The following ARHGAP44 variants were observed in gnomAD, a reference collection of about 807,000 sequenced individuals.
ARHGAP44 encodes Rho GTPase activating protein 44.
In ARHGAP44, 43 loss-of-function variants were observed where a neutral mutation model predicts 106.8. That is an observed-to-expected ratio of 0.40 (90% CI 0.32 to 0.52). The LOEUF (loss-of-function observed/expected upper bound fraction) is 0.52, where lower values mean the gene tolerates loss of function less well. Ranked by LOEUF, ARHGAP44 falls within the 20% of genes least tolerant of loss-of-function variation. The probability of loss-of-function intolerance (pLI) is 0.48; values close to 1 mark genes in which losing one functional copy is unlikely to be tolerated. For missense variants in ARHGAP44, 866 were observed against 1,050.5 expected (o/e 0.82, Z 2.43); for synonymous variants, 439 against 410.3 (o/e 1.07, Z -0.85).
rs77855568 is a variant in ARHGAP44, at chr17:12,816,415, G to A, written c.53+26524G>A. ...ACTTAAATTAATTTGAGTGGAATAT[G>A]ATGAGGAATTATATTAGGGTAGGGA... On this transcript the variant is annotated intron_variant, in intron 1 of 20. Coordinates refer to ENST00000379672, the MANE Select transcript of ARHGAP44 (RefSeq NM_014859.6). 4.8e-3 allele frequency among the ~76,000 whole-genome samples: 738 copies of A among 152,246 alleles called. 26 individuals carry two copies. In the East Asian group the frequency reaches 0.068, roughly 14 times the overall value.
intron 5 of ARHGAP44, among the ~76,000 whole-genome samples, chr17:12,919,142 C>A (rs549954847): frequency 6.6e-6 from 1 of 152,134 alleles, no homozygotes; most frequent in African/African-American, 2.4e-5. Context: ...AGCGTACTCA[C>A]CATCAAAAAA....
intron 1 of ARHGAP44, among the ~76,000 whole-genome samples, chr17:12,871,303 T>C (rs145811587): frequency 1.1e-3 from 172 of 152,266 alleles, no homozygotes; most frequent in Non-Finnish European, 4.0e-4. Flanking sequence ...TGGTCTCTCA[T>C]GAATGGTTTC....
intron 1 of ARHGAP44, among the ~76,000 whole-genome samples, chr17:12,865,705 C>T (rs1048108082): frequency 9.4e-5 from 14 of 149,628 alleles, no homozygotes; most frequent in Admixed American, 1.4e-4. Context: ...AGGAGAATGG[C>T]GTGAACCTGG....
chr17:12,915,650 T>G (rs1375412388), intron 4 of ARHGAP44, among the ~76,000 whole-genome samples: 1 of 152,220 alleles, frequency 6.6e-6, no homozygotes, highest in Non-Finnish European at 1.5e-5. Flanking sequence ...GTCTGTTTTC[T>G]CTCTCATGTT....
intron 16 of ARHGAP44, among the ~76,000 whole-genome samples, chr17:12,960,520 C>T (rs946259767): frequency 2.6e-5 from 4 of 151,864 alleles, no homozygotes; most frequent in East Asian, 2.0e-4. Flanking sequence ...GAGCTGAGAT[C>T]GTGCCATTGC....
intron 7 of ARHGAP44, among the ~76,000 whole-genome samples, chr17:12,932,512 A>C (rs192699282): frequency 6.6e-6 from 1 of 152,308 alleles, no homozygotes. Context: ...CTGCCATTAA[A>C]AATTTAATAA....
At chr17:12,973,391 GT>G in intron 17 of ARHGAP44, 72 bp downstream of exon 17, 2 of 1,512,834 alleles carry the variant, frequency 1.3e-6, no homozygotes, top group Non-Finnish European at 9.0e-7. Flanking sequence ...ATCGTAGTGA[GT>G]TCCACCAGAG....
intron 1 of ARHGAP44, among the ~76,000 whole-genome samples, chr17:12,863,855 G>T (rs1331697905): frequency 6.6e-6 from 1 of 152,146 alleles, no homozygotes; most frequent in Non-Finnish European, 1.5e-5. Flanking sequence ...CATTTCTCTC[G>T]CATTCAACAT....
intron 1 of ARHGAP44, among the ~76,000 whole-genome samples, chr17:12,877,347 G>A (rs529799216): frequency 6.6e-6 from 1 of 152,104 alleles, no homozygotes; most frequent in East Asian, 1.9e-4. Flanking sequence ...ACATGCCCTT[G>A]GAAAATAGGG....
chr17:12,820,115 G>A (rs1290653843), intron 1 of ARHGAP44, among the ~76,000 whole-genome samples: 1 of 151,928 alleles, frequency 6.6e-6, no homozygotes, highest in African/African-American at 2.4e-5. Context: ...TTTTCCAGTT[G>A]AATATCCAAT....
chr17:12,980,174 G>A lies in ARHGAP44; in HGVS notation c.1880G>A (p.Gly627Asp). Residue 627 changes from glycine to aspartate, a missense_variant, in exon 19 of 21, where the codon GGC (glycine) becomes GAC (aspartate). Physicochemically the swap from Gly to Asp is moderately conservative, Grantham distance 94. Coordinates refer to ENST00000379672, the MANE Select transcript of ARHGAP44 (RefSeq NM_014859.6). ...GGGGCTCAACCTGGAGCTCAGCCGG[G>A]CGCCAGCCCCAGCCCCAGCCAGCCG... ...QPGAQPGAQP[G>D]ASPSPSQPPA... 6.2e-7 allele frequency: 1 copy of A among 1,613,044 alleles called. No individual in the cohort carries two copies. Among genetic ancestry groups the A allele is most frequent in the Non-Finnish European group, 8.5e-7 (1 of 1,179,810 alleles).
chr17:12,987,153 G>A, intron 20 of ARHGAP44: 1 of 1,533,608 alleles, frequency 6.5e-7, no homozygotes, highest in Non-Finnish European at 8.7e-7. Context: ...GATTTTCAGG[G>A]TAAGCTGGCC....
At chr17:12,860,609 G>T (rs1173362315) in intron 1 of ARHGAP44, among the ~76,000 whole-genome samples, 1 of 152,066 alleles carries the variant, frequency 6.6e-6, no homozygotes, top group Non-Finnish European at 1.5e-5. Context: ...CCTCTCATTT[G>T]TCCTCATATA....
chr17:12,794,118 A>G (rs866985636), intron 1 of ARHGAP44, among the ~76,000 whole-genome samples: 21 of 152,222 alleles, frequency 1.4e-4, no homozygotes, highest in Middle Eastern at 6.8e-3. Context: ...CCTTCAAGAG[A>G]GTCTAGCAGT....
rs2037899629 is a variant in ARHGAP44 at position 12,916,022 on chromosome 17, G to C, written c.387+11G>C. ...TTTTTGCTGGCGGAGGTAAGCAGCAGGAGTGAGGCCAGGCCTGAAAGAGCA... is the reference window on the plus strand; with the variant it reads ...TTTTTGCTGGCGGAGGTAAGCAGCACGAGTGAGGCCAGGCCTGAAAGAGCA... On this transcript the variant is annotated intron_variant, in intron 5 of 20. Coordinates refer to ENST00000379672, the MANE Select transcript of ARHGAP44 (RefSeq NM_014859.6). 6.2e-7 allele frequency: 1 copy of C among 1,611,030 alleles called. No homozygotes were observed. Among genetic ancestry groups the C allele is most frequent in the Non-Finnish European group, 8.5e-7 (1 of 1,177,596 alleles).
rs375718719 is a variant in ARHGAP44, at chr17:12,863,116, C to T, written c.54-31824C>T. On this transcript the variant is annotated intron_variant, in intron 1 of 20. Coordinates refer to ENST00000379672, the MANE Select transcript of ARHGAP44 (RefSeq NM_014859.6). ...CAGCCTGGGCAACAAAGTGAGACCT[C>T]GTCTCTGTGAAAATAAATAAATAAA... Among the ~76,000 whole-genome samples the T allele has an allele frequency of 1.1e-4, 16 of 151,842 alleles. No homozygotes were observed. In the East Asian group the frequency reaches 1.7e-3, roughly 17 times the overall value.
chr17:12,840,253 G>T (rs1000159987), intron 1 of ARHGAP44, among the ~76,000 whole-genome samples: 1 of 151,980 alleles, frequency 6.6e-6, no homozygotes, highest in Non-Finnish European at 1.5e-5. Flanking sequence ...TCCCTCCATT[G>T]TTTCAGTCTG....
intron 1 of ARHGAP44, among the ~76,000 whole-genome samples, chr17:12,792,772 T>G (rs1479251480): frequency 6.6e-6 from 1 of 152,208 alleles, no homozygotes; most frequent in Admixed American, 6.5e-5. Context: ...AAACTTAAAG[T>G]CATTTTAACA....
chr17:12,822,925 T>C (rs2034812922), intron 1 of ARHGAP44, among the ~76,000 whole-genome samples: 1 of 152,226 alleles, frequency 6.6e-6, no homozygotes, highest in Non-Finnish European at 1.5e-5. Context: ...GCTCTCTCCT[T>C]GTCTACTGCA....
Sources: gnomAD v4.1 joint callset for allele counts (sites outside exome capture counted in the v4.1 genomes callset) on GRCh38, gnomAD v4.1.1 for gene constraint, MANE v1.5 for transcripts, NCBI Gene and HGNC (gene_info 2026-07-23, HGNC 2026-07-21) for gene names.